Variants in TAFA5 observed in about 807,000 individuals in gnomAD.
The protein encoded by TAFA5 is TAFA chemokine like family member 5.
A neutral mutation model predicts 15.3 loss-of-function variants in TAFA5; 6 were observed. The ratio of observed to expected loss-of-function variants is 0.39; its 90% CI spans 0.21 to 0.77. The LOEUF (loss-of-function observed/expected upper bound fraction) is 0.77, where lower values mean the gene tolerates loss of function less well. Among genes scored for constraint, TAFA5 ranks in the 30% least tolerant of loss-of-function variants. The pLI is 0.41. For synonymous variants in TAFA5, 103 were observed against 80.7 expected (o/e 1.28, Z -1.48); for missense variants, 161 against 193.1 (o/e 0.83, Z 0.98).
chr22:48,630,743 C>T (rs1926193235), intron 1 of TAFA5, among the ~76,000 whole-genome samples: 1 of 152,190 alleles, frequency 6.6e-6, no homozygotes, highest in Admixed American at 6.5e-5. Flanking sequence ...CCCTGAATCA[C>T]GGGGGCGATG....
chr22:48,725,569 G>A (rs1929690979), intron 3 of TAFA5, among the ~76,000 whole-genome samples: 1 of 152,138 alleles, frequency 6.6e-6, no homozygotes, highest in Non-Finnish European at 1.5e-5. Flanking sequence ...ACATCCAAGG[G>A]TTTTCTGAAT....
chr22:48,684,728 A>G (rs970318586), intron 2 of TAFA5, among the ~76,000 whole-genome samples: 1 of 152,154 alleles, frequency 6.6e-6, no homozygotes. Context: ...TGTCTGGGTA[A>G]AATCCCCCAA....
At chr22:48,570,844 A>C (rs192813265) in intron 1 of TAFA5, among the ~76,000 whole-genome samples, 1 of 152,380 alleles carries the variant, frequency 6.6e-6, no homozygotes, top group Admixed American at 6.5e-5. Flanking sequence ...ATTTCTGACT[A>C]GAACTATGGA....
chr22:48,635,797 C>T (rs538190316), intron 1 of TAFA5, among the ~76,000 whole-genome samples: 8 of 152,226 alleles, frequency 5.3e-5, no homozygotes, highest in African/African-American at 1.9e-4. Context: ...GGAGCTGAAC[C>T]ACAGACGCTC....
Position 48,706,109 on chromosome 22 carries a change from G to C in TAFA5, c.263-1608G>C, listed in dbSNP as rs542921875. On this transcript the variant is annotated intron_variant, in intron 2 of 3. Transcript: ENST00000402357. ...CTGGGTGTCTGTGCAGCCTGGGCCTGGTGTGGGTGACAGAGAGGCCTTCCC... is the reference window on the plus strand; with the variant it reads ...CTGGGTGTCTGTGCAGCCTGGGCCTCGTGTGGGTGACAGAGAGGCCTTCCC... Among the ~76,000 whole-genome samples the C allele has an allele frequency of 2.1e-4, 32 of 152,342 alleles. No individual in the cohort carries two copies. In the South Asian group the frequency reaches 6.6e-3, roughly 32 times the overall value.
chr22:48,746,090 AAAGG>A (rs1442609628), intron 3 of TAFA5, among the ~76,000 whole-genome samples: 1 of 151,906 alleles, frequency 6.6e-6, no homozygotes, highest in African/African-American at 2.4e-5. Context: ...CCATTCAAGG[AAAGG>A]GCGTGTGTCC....
chr22:48,674,746 G>A (rs1490226554), intron 2 of TAFA5, among the ~76,000 whole-genome samples: 1 of 152,138 alleles, frequency 6.6e-6, no homozygotes, highest in African/African-American at 2.4e-5. Flanking sequence ...CTTGCCCGTT[G>A]GGTCTGCAGT....
At chr22:48,697,837 A>G (rs9617504) in intron 2 of TAFA5, among the ~76,000 whole-genome samples, 98,314 of 151,206 alleles carry the variant, frequency 0.65, 32,506 homozygotes, top group African/African-American at 0.77. Flanking sequence ...TGTTGGTGAT[A>G]GTGAGGATAC....
intron 1 of TAFA5, among the ~76,000 whole-genome samples, chr22:48,600,894 C>G (rs986269181): frequency 1.3e-5 from 2 of 152,078 alleles, no homozygotes; most frequent in Non-Finnish European, 2.9e-5. Context: ...GGCTTGTGTT[C>G]GAGGTCGGTA....
Position 48,576,690 on chromosome 22 carries a change from G to A in TAFA5, c.113-69907G>A, listed in dbSNP as rs1028567215. 7 of 1,159,968 alleles carry A rather than the reference G, an allele frequency of 6.0e-6. No individual in the cohort carries two copies. The African/African-American group carries it at 6.5e-5, about 11-fold the overall frequency. 71.9% of individuals were successfully genotyped at this position (1,159,968 alleles called of 1,614,324 possible). ...CCGCCGCGCTCGGCTGAGGCTCGTG[G>A]AGCGCCACTGCGGGCCCGGAGCGGC... On this transcript the variant is annotated intron_variant, in intron 1 of 3. Transcript: ENST00000402357.
chr22:48,625,407 A>G (rs1379723426), intron 1 of TAFA5, among the ~76,000 whole-genome samples: 1 of 152,210 alleles, frequency 6.6e-6, no homozygotes, highest in Non-Finnish European at 1.5e-5. Context: ...CTCCCACTGC[A>G]ACAGTGAGGA....
At chr22:48,642,615 AGATTGG>A (rs1926723339) in intron 1 of TAFA5, among the ~76,000 whole-genome samples, 3 of 152,066 alleles carry the variant, frequency 2.0e-5, no homozygotes, top group East Asian at 1.9e-4. Context: ...CAGTGGGCAG[AGATTGG>A]GGTGTGTGGG....
At chr22:48,722,907 T>C (rs981258647) in intron 3 of TAFA5, among the ~76,000 whole-genome samples, 1 of 151,782 alleles carries the variant, frequency 6.6e-6, no homozygotes, top group African/African-American at 2.4e-5. Context: ...GTGCAAGGAG[T>C]GAGTGTGTGG....
intron 3 of TAFA5, among the ~76,000 whole-genome samples, chr22:48,712,815 G>A (rs1178057566): frequency 1.3e-5 from 2 of 152,230 alleles, no homozygotes; most frequent in Non-Finnish European, 2.9e-5. Flanking sequence ...CCTGTGCTCT[G>A]CCTCTGCCTT....
At chr22:48,728,139 T>G (rs1929763670) in intron 3 of TAFA5, among the ~76,000 whole-genome samples, 1 of 152,184 alleles carries the variant, frequency 6.6e-6, no homozygotes, top group Admixed American at 6.5e-5. Flanking sequence ...CTTCCAATTT[T>G]CAATCATTGT....
chr22:48,618,294 G>A (rs533430377), intron 1 of TAFA5, among the ~76,000 whole-genome samples: 1 of 152,332 alleles, frequency 6.6e-6, no homozygotes, highest in African/African-American at 2.4e-5. Context: ...CCCCAGGACC[G>A]AACTGCACCG....
At chr22:48,737,622 G>A (rs755318048) in intron 3 of TAFA5, among the ~76,000 whole-genome samples, 2 of 152,088 alleles carry the variant, frequency 1.3e-5, no homozygotes, top group East Asian at 3.9e-4. Context: ...GCACGGAAGG[G>A]GAAGGTTGGA....
chr22:48,720,776 C>T (rs1273702460), intron 3 of TAFA5, among the ~76,000 whole-genome samples: 4 of 152,096 alleles, frequency 2.6e-5, no homozygotes, highest in Non-Finnish European at 4.4e-5. Flanking sequence ...TCCCTGTGCT[C>T]GAGACGTATT....
At chr22:48,546,441 T>A (rs368188718) in intron 1 of TAFA5, 54 of 469,638 alleles carry the variant, frequency 1.1e-4, no homozygotes, top group South Asian at 8.1e-4. Context: ...CACTGCCCTA[T>A]CCTCTTGGAG....
Sources: gnomAD v4.1 joint callset for allele counts (sites outside exome capture counted in the v4.1 genomes callset) on GRCh38, gnomAD v4.1.1 for gene constraint, MANE v1.5 for transcripts, NCBI Gene and HGNC (gene_info 2026-07-23, HGNC 2026-07-21) for gene names.